INSL6: variants seen among roughly 807,000 people sequenced by gnomAD.
The protein encoded by INSL6 is insulin-like peptide INSL6.
A neutral mutation model predicts 9.4 loss-of-function variants in INSL6; 16 were observed. The ratio of observed to expected loss-of-function variants is 1.70; its 90% CI spans 1.15 to 2.59. The LOEUF (loss-of-function observed/expected upper bound fraction) is 2.59, where lower values mean the gene tolerates loss of function less well. Among genes scored for constraint, INSL6 ranks in the 30% most tolerant of loss-of-function variants. The pLI is 0.00. For missense variants in INSL6, 391 were observed against 257.3 expected, an observed-to-expected ratio of 1.52 and a Z score of -3.56; for synonymous variants, 154 against 96.9, an observed-to-expected ratio of 1.59 and a Z score of -3.46.
At chr9:5,097,902 C>G in the INSL6 span, 1 of 152,162 alleles carries the variant, frequency 6.6e-6, no homozygotes. Flanking sequence ...ATTCACTTCA[C>G]CATTATATTC....
At chr9:5,164,963 T>C (rs1363862197) in intron 1 of INSL6, among the ~76,000 whole-genome samples, 4 of 152,174 alleles carry the variant, frequency 2.6e-5, no homozygotes, top group African/African-American at 9.7e-5. Flanking sequence ...ATCCCAGCAC[T>C]CTGGGAGGCC....
chr9:5,022,523 G>C, the INSL6 span, among the ~76,000 whole-genome samples: 41 of 152,172 alleles, frequency 2.7e-4, no homozygotes, highest in Non-Finnish European at 5.0e-4. Flanking sequence ...ATTAAAGCTA[G>C]ATCCTGAGAG....
intron 2 of INSL6, among the ~76,000 whole-genome samples, chr9:5,138,571 TG>T (rs1159687861): frequency 3.3e-5 from 5 of 152,020 alleles, no homozygotes; most frequent in African/African-American, 1.2e-4. Context: ...ATCACACACC[TG>T]GCCTGTTGGG....
At chr9:5,016,401 G>A in the INSL6 span, among the ~76,000 whole-genome samples, 6 of 152,256 alleles carry the variant, frequency 3.9e-5, no homozygotes, top group South Asian at 1.2e-3. Context: ...CTGTGTATGT[G>A]TGTGTGTTGA....
At chr9:5,065,001 T>C in the INSL6 span, 3 of 1,607,062 alleles carry the variant, frequency 1.9e-6, no homozygotes, top group Non-Finnish European at 2.5e-6. Context: ...CCTCCAGCCG[T>C]GCTTGAAAAT....
chr9:5,072,095 C>A, the INSL6 span, among the ~76,000 whole-genome samples: 3 of 152,144 alleles, frequency 2.0e-5, no homozygotes, highest in African/African-American at 7.2e-5. Context: ...CAAGGTCATA[C>A]AAGTGGTAAT....
chr9:5,094,138 C>G, the INSL6 span: 3 of 152,182 alleles, frequency 2.0e-5, no homozygotes, highest in Non-Finnish European at 2.9e-5. Flanking sequence ...TATTCCCACT[C>G]TAATTGCTAT....
chr9:5,148,829 G>C (rs1202249757), intron 2 of INSL6, among the ~76,000 whole-genome samples: 1 of 152,190 alleles, frequency 6.6e-6, no homozygotes, highest in Non-Finnish European at 1.5e-5. Context: ...ATGTACTCAG[G>C]TAGAGCAAGG....
At chr9:5,064,954 T>A in the INSL6 span, 2 of 1,606,442 alleles carry the variant, frequency 1.2e-6, no homozygotes, top group Non-Finnish European at 8.5e-7. Flanking sequence ...ATAGATTAAC[T>A]GCAGATGCAC....
At chr9:5,111,163 C>T in the INSL6 span, 2 of 763,744 alleles carry the variant, frequency 2.6e-6, no homozygotes, top group South Asian at 2.9e-5. Flanking sequence ...TGCTGAGTCG[C>T]ACGGCAGCCA....
the INSL6 span, chr9:5,085,535 T>C: frequency 2.8e-6 from 2 of 709,390 alleles, no homozygotes; most frequent in Non-Finnish European, 5.3e-6. Flanking sequence ...AAATCTTCAA[T>C]AACTCGGGTT....
intron 2 of INSL6, among the ~76,000 whole-genome samples, chr9:5,156,121 A>G (rs942843933): frequency 5.5e-5 from 8 of 145,092 alleles, no homozygotes; most frequent in Admixed American, 1.4e-4. Flanking sequence ...CTTTCATGCA[A>G]TTGACAAATT....
chr9:5,080,605 A>G, the INSL6 span: 3 of 1,608,422 alleles, frequency 1.9e-6, no homozygotes, highest in Admixed American at 5.1e-5. Flanking sequence ...CCTTATAAAT[A>G]ATTGTATGGA....
the INSL6 span, among the ~76,000 whole-genome samples, chr9:5,078,094 C>G: frequency 2.0e-5 from 3 of 152,166 alleles, no homozygotes; most frequent in Admixed American, 1.3e-4. Context: ...TTAATTTATT[C>G]ATTTCATCAC....
chr9:5,063,472 T>C, the INSL6 span, among the ~76,000 whole-genome samples: 2 of 152,198 alleles, frequency 1.3e-5, no homozygotes, highest in Non-Finnish European at 1.5e-5. Context: ...ATTCCTTTCT[T>C]ATCCTGGTAA....
the INSL6 span, among the ~76,000 whole-genome samples, chr9:5,032,220 G>C: frequency 1.3e-5 from 2 of 152,240 alleles, no homozygotes; most frequent in Non-Finnish European, 2.9e-5. Flanking sequence ...CGCCATTGCC[G>C]AGGGTTGAGT....
At chr9:5,110,115 T>A in the INSL6 span, 1 of 152,346 alleles carries the variant, frequency 6.6e-6, no homozygotes, top group East Asian at 1.9e-4. Flanking sequence ...TCGCCTTCTC[T>A]TAGCAGCAGC....
the INSL6 span, among the ~76,000 whole-genome samples, chr9:5,058,947 T>C: frequency 1.3e-5 from 2 of 152,358 alleles, no homozygotes; most frequent in African/African-American, 4.8e-5. Flanking sequence ...TTCAAATATA[T>C]GATTTGCAAA....
chr9:5,006,742 G>A, the INSL6 span, among the ~76,000 whole-genome samples: 1 of 152,160 alleles, frequency 6.6e-6, no homozygotes. Flanking sequence ...CCATGACCCA[G>A]TCACCTCTCA....
Sources: allele counts gnomAD v4.1 joint callset (sites outside exome capture counted in the v4.1 genomes callset), GRCh38; gene constraint gnomAD v4.1.1; transcripts MANE v1.5; gene names NCBI Gene and HGNC (gene_info 2026-07-23, HGNC 2026-07-21).